Variants in TPTE observed in about 807,000 individuals in gnomAD.
TPTE encodes the protein transmembrane phosphatase with tensin homology.
In TPTE, 59 loss-of-function variants were observed where a neutral mutation model predicts 84.1. The ratio of observed to expected loss-of-function variants is 0.70; its 90% CI spans 0.57 to 0.87. The LOEUF (loss-of-function observed/expected upper bound fraction) is 0.87. Ranked by LOEUF, TPTE falls within the 40% of genes least tolerant of loss-of-function variation. The probability of loss-of-function intolerance (pLI) is 0.00; values close to 1 mark genes in which losing one functional copy is unlikely to be tolerated. For synonymous variants in TPTE, 130 were observed against 223.5 expected (o/e 0.58, Z 3.73); for missense variants, 382 against 659.6 (o/e 0.58, Z 4.61).
At chr21:10,534,984 A>G (rs2074242494) in intron 3 of TPTE, among the ~76,000 whole-genome samples, 1 of 152,312 alleles carries the variant, frequency 6.6e-6, no homozygotes. Context: ...TAATGATCTC[A>G]TAGTCCTAGG....
intron 8 of TPTE, among the ~76,000 whole-genome samples, chr21:10,554,003 A>G (rs1343549368): frequency 1.3e-5 from 2 of 152,308 alleles, no homozygotes; most frequent in Non-Finnish European, 2.9e-5. Context: ...CAATCAACAA[A>G]TCTACCCACA....
intron 8 of TPTE, among the ~76,000 whole-genome samples, chr21:10,555,465 C>G (rs1314524324): frequency 6.6e-6 from 1 of 152,312 alleles, no homozygotes. Flanking sequence ...CTTGGCCACC[C>G]AAAGTGCTGG....
intron 10 of TPTE, among the ~76,000 whole-genome samples, chr21:10,565,972 G>T (rs1216821957): frequency 8.5e-5 from 13 of 152,306 alleles, no homozygotes; most frequent in African/African-American, 1.2e-4. Flanking sequence ...GGCTATACCT[G>T]ACAAGCACAG....
intron 21 of TPTE, among the ~76,000 whole-genome samples, chr21:10,601,081 G>T (rs1600990677): frequency 6.6e-6 from 1 of 152,306 alleles, no homozygotes; most frequent in South Asian, 2.1e-4. Flanking sequence ...CTTTAAAATT[G>T]ACCTTCTTAA....
intron 7 of TPTE, among the ~76,000 whole-genome samples, chr21:10,545,488 T>C (rs1383766127): frequency 1.0e-4 from 16 of 152,422 alleles, no homozygotes; most frequent in African/African-American, 2.4e-5. Context: ...GAAGTGTACA[T>C]TTTTAATCGT....
At chr21:10,551,225 G>T (rs2074566436) in intron 7 of TPTE, among the ~76,000 whole-genome samples, 1 of 147,044 alleles carries the variant, frequency 6.8e-6, no homozygotes, top group African/African-American at 2.5e-5. Context: ...TCATAGGTGG[G>T]AATTGAACAA....
chr21:10,587,546 ATTTCT>A (rs1448885294), intron 17 of TPTE, among the ~76,000 whole-genome samples: 8 of 150,356 alleles, frequency 5.3e-5, no homozygotes, highest in Non-Finnish European at 7.4e-5. Context: ...AAAGGAAATG[ATTTCT>A]TTTTTTTTTT....
chr21:10,533,981 A>G (rs561474080), intron 3 of TPTE, among the ~76,000 whole-genome samples: 7 of 152,418 alleles, frequency 4.6e-5, no homozygotes, highest in Non-Finnish European at 8.8e-5. Context: ...TTACAGCTGG[A>G]TGTTTTGTCT....
chr21:10,601,036 T>G (rs1295512427), intron 21 of TPTE, among the ~76,000 whole-genome samples: 1 of 152,312 alleles, frequency 6.6e-6, no homozygotes, highest in Non-Finnish European at 1.5e-5. Flanking sequence ...AAAACCGTGA[T>G]AAGTTATGCA....
chr21:10,554,389 A>G (rs1000019497), intron 8 of TPTE, among the ~76,000 whole-genome samples: 2 of 152,122 alleles, frequency 1.3e-5, no homozygotes, highest in Non-Finnish European at 2.9e-5. Context: ...TTGTGACGCT[A>G]TTGATATTGA....
intron 3 of TPTE, among the ~76,000 whole-genome samples, chr21:10,529,321 A>T: frequency 6.6e-6 from 1 of 152,310 alleles, no homozygotes; most frequent in Non-Finnish European, 1.5e-5. Flanking sequence ...TAAAAGTGGG[A>T]TATAGGAAGA....
At chr21:10,572,637 A>T (rs1375862754) in intron 14 of TPTE, among the ~76,000 whole-genome samples, 2 of 152,278 alleles carry the variant, frequency 1.3e-5, no homozygotes, top group Non-Finnish European at 2.9e-5. Flanking sequence ...GTCAACCAAG[A>T]ATACGATACC....
intron 8 of TPTE, among the ~76,000 whole-genome samples, chr21:10,556,470 C>A (rs1383721670): frequency 6.6e-6 from 1 of 152,426 alleles, no homozygotes; most frequent in East Asian, 1.9e-4. Context: ...GGTTCCAAGT[C>A]TTTGCTATTG....
intron 7 of TPTE, among the ~76,000 whole-genome samples, chr21:10,547,904 T>A (rs1033166936): frequency 1.3e-4 from 20 of 152,404 alleles, no homozygotes; most frequent in African/African-American, 4.8e-4. Flanking sequence ...AACCACTACA[T>A]GCCCTCTCCC....
intron 14 of TPTE, among the ~76,000 whole-genome samples, chr21:10,573,379 C>G (rs1411403362): frequency 6.6e-6 from 1 of 152,312 alleles, no homozygotes; most frequent in Non-Finnish European, 1.5e-5. Context: ...GAAAGATAGA[C>G]TCCAATGCAG....
At chr21:10,541,304 T>C (rs1461992794) in intron 5 of TPTE, 139 bp downstream of exon 5, 1 of 1,232,794 alleles carries the variant, frequency 8.1e-7, no homozygotes, top group Non-Finnish European at 1.1e-6. Flanking sequence ...AAACCCTGTC[T>C]CTACTAAAAC....
chr21:10,540,452 C>T (rs1456915283), intron 4 of TPTE, among the ~76,000 whole-genome samples: 2 of 152,306 alleles, frequency 1.3e-5, no homozygotes, highest in African/African-American at 4.8e-5. Context: ...GTGTTTGTCA[C>T]ATTACCTTTC....
At chr21:10,548,386 A>G (rs1453323200) in intron 7 of TPTE, among the ~76,000 whole-genome samples, 8 of 152,306 alleles carry the variant, frequency 5.3e-5, no homozygotes, top group African/African-American at 1.9e-4. Context: ...ATCAGCCATG[A>G]ATGCCCATGT....
intron 1 of TPTE, among the ~76,000 whole-genome samples, chr21:10,522,838 C>A (rs1346379613): frequency 6.6e-6 from 1 of 152,298 alleles, no homozygotes; most frequent in Non-Finnish European, 1.5e-5. Flanking sequence ...TTAGCATATT[C>A]ATTGCCTTAA....
Sources: allele counts gnomAD v4.1 joint callset (sites outside exome capture counted in the v4.1 genomes callset), GRCh38; gene constraint gnomAD v4.1.1; transcripts MANE v1.5; gene names NCBI Gene and HGNC (gene_info 2026-07-23, HGNC 2026-07-21).